The following RILPL1 variants were observed in gnomAD, a reference collection of about 807,000 sequenced individuals.
RILPL1 encodes RILP-like protein 1.
In RILPL1, 33 loss-of-function variants were observed where a neutral mutation model predicts 50.3. That is an observed-to-expected ratio of 0.66 (90% CI 0.50 to 0.88). The LOEUF is 0.88. Ranked by LOEUF, RILPL1 falls within the 40% of genes least tolerant of loss-of-function variation. The pLI is 0.00. For missense variants in RILPL1, 418 were observed against 542.5 expected, an observed-to-expected ratio of 0.77 and a Z score of 2.28; for synonymous variants, 205 against 228.6, an observed-to-expected ratio of 0.90 and a Z score of 0.93.
intron 2 of RILPL1, chr12:123,519,728 A>G (rs942590334): frequency 1.3e-5 from 2 of 152,182 alleles, no homozygotes; most frequent in Non-Finnish European, 2.9e-5. Flanking sequence ...TGCAAAATAA[A>G]AATAACCACG....
intron 4 of RILPL1, among the ~76,000 whole-genome samples, chr12:123,495,046 C>G (rs1429635681): frequency 1.3e-5 from 2 of 152,174 alleles, no homozygotes; most frequent in African/African-American, 4.8e-5. Context: ...AGCCATGTGA[C>G]TCAGGAATAA....
chr12:123,475,606 A>G, intron 6 of RILPL1: 1 of 1,159,904 alleles, frequency 8.6e-7, no homozygotes, highest in Non-Finnish European at 1.2e-6. Flanking sequence ...GCAGTAGCCG[A>G]AGCAGACATT....
intron 1 of RILPL1, among the ~76,000 whole-genome samples, chr12:123,531,581 A>G (rs1031140326): frequency 6.6e-6 from 1 of 152,110 alleles, no homozygotes; most frequent in Non-Finnish European, 1.5e-5. Context: ...CGGTTTCCTA[A>G]TATGAGCCTG....
chr12:123,485,580 G>T lies in RILPL1; in HGVS notation c.974+53C>A. ...AAGAAGGTAACTGTACAGAAACTCTGGCTAACCTCAGTAAGGAGCCAGCTC... is the reference window on the plus strand; with the variant it reads ...AAGAAGGTAACTGTACAGAAACTCTTGCTAACCTCAGTAAGGAGCCAGCTC... On this transcript the variant is annotated intron_variant, in intron 5 of 6. Transcript: ENST00000376874. This position sits in a 1 kb window ranked among gnomAD's most constrained non-coding sequence, Gnocchi z 4.0. 6.5e-7 allele frequency: 1 copy of T among 1,545,242 alleles called. No homozygotes were observed. The highest frequency in any genetic ancestry group is 8.8e-7 in the Non-Finnish European group (1 of 1,130,934).
chr12:123,495,654 G>C (rs529587245), intron 4 of RILPL1, among the ~76,000 whole-genome samples: 2 of 141,192 alleles, frequency 1.4e-5, no homozygotes, highest in Non-Finnish European at 3.0e-5. Flanking sequence ...GATTACAGGC[G>C]TGAGCCACCG....
chr12:123,472,385 G>A lies in RILPL1; in HGVS notation c.*153C>T, dbSNP rs1881246762. The stretch of plus-strand genomic sequence containing the variant: ...TAGAGTTTGGCGTCAGTTTTTCAAT[G>A]TCCATCCTCAAATCAGACAGTCTGT... On this transcript the variant is annotated 3_prime_UTR_variant, in exon 7 of 7. Coordinates refer to ENST00000376874, the MANE Select transcript of RILPL1 (RefSeq NM_178314.5). 4 of 751,554 alleles carry A rather than the reference G, an allele frequency of 5.3e-6. No individual in the cohort carries two copies. 46.6% of individuals were successfully genotyped at this position (751,554 alleles called of 1,614,324 possible). A position where few individuals can be genotyped will look rare whatever the true frequency, so the allele number is the denominator to read the frequency against.
intron 6 of RILPL1, among the ~76,000 whole-genome samples, chr12:123,481,203 A>G (rs1010421038): frequency 2.0e-5 from 3 of 152,098 alleles, no homozygotes; most frequent in Non-Finnish European, 4.4e-5. Flanking sequence ...CTAAAATTAC[A>G]AAACTTAGCC....
At position 123,484,736 on chromosome 12, in the gene RILPL1, G is replaced by A. The variant is rs146901407; in HGVS notation, c.975-464C>T. On this transcript the variant is annotated intron_variant, in intron 5 of 6. Transcript: ENST00000376874. ...GTGGTACAAACATACATAGCTCACT[G>A]CAGCCTTGACCTTGGGCTGAAATGA... 1,223 of 213,280 alleles carry A rather than the reference G, an allele frequency of 5.7e-3. 9 individuals carry two copies. The highest frequency in any genetic ancestry group is 8.7e-3 in the Non-Finnish European group (940 of 107,780). 13.2% of individuals were successfully genotyped at this position (213,280 alleles called of 1,614,324 possible).
chr12:123,478,182 C>T lies in RILPL1; in HGVS notation c.1068-5500G>A, dbSNP rs569031142. The stretch of plus-strand genomic sequence containing the variant: ...CGGCCAATTAAAAAAAATTTTTTTC[C>T]TCGAGATAGGGTCTTGCTATGTTGC... On this transcript the variant is annotated intron_variant, in intron 6 of 6. Transcript: ENST00000376874. Among the ~76,000 whole-genome samples, 4 of 151,416 alleles carry T rather than the reference C, an allele frequency of 2.6e-5. No homozygotes were observed. The East Asian group carries it at 7.8e-4, about 30-fold the overall frequency.
intron 2 of RILPL1, 74 bp from the exon 3 acceptor site, chr12:123,499,610 G>T: frequency 8.5e-7 from 1 of 1,172,264 alleles, no homozygotes; most frequent in Non-Finnish European, 1.3e-6. Flanking sequence ...CTTCTGCTGA[G>T]GATGAAACTG....
At chr12:123,509,141 CAACA>C (rs142348336) in intron 2 of RILPL1, among the ~76,000 whole-genome samples, 64,722 of 151,148 alleles carry the variant, frequency 0.43, 15,478 homozygotes, top group African/African-American at 0.63. Flanking sequence ...CGTCTCAAAA[CAACA>C]AACAAACAAA....
At position 123,533,547 on chromosome 12, in the gene RILPL1, A is replaced by T; in HGVS notation, c.-65T>A. ...GCAACTCCCAAACTTGCCGCTGTCG[A>T]GGGCCGGGCCGGCCGGGCCCAGCCT... On this transcript the variant is annotated 5_prime_UTR_variant, in exon 1 of 7. Transcript: ENST00000376874. This position sits in a 1 kb window ranked among gnomAD's most constrained non-coding sequence, Gnocchi z 6.2. 7.4e-7 allele frequency: 1 copy of T among 1,358,704 alleles called. No homozygotes were observed. Among genetic ancestry groups the T allele is most frequent in the Non-Finnish European group, 9.6e-7 (1 of 1,042,628 alleles). The allele number at this position is 1,358,704 out of a possible 1,614,324, so 84.2% of individuals were successfully genotyped here.
intron 2 of RILPL1, among the ~76,000 whole-genome samples, chr12:123,505,134 C>T (rs1031325351): frequency 6.6e-6 from 1 of 152,110 alleles, no homozygotes; most frequent in Non-Finnish European, 1.5e-5. Flanking sequence ...TCTACCTCCT[C>T]AGTTCAAGGA....
At chr12:123,499,624 T>A in intron 2 of RILPL1, 88 bp from the exon 3 acceptor site, 1 of 1,018,946 alleles carries the variant, frequency 9.8e-7, no homozygotes, top group South Asian at 1.3e-5. Flanking sequence ...GAAACTGAGG[T>A]CTTAGTGGCC....
intron 5 of RILPL1, among the ~76,000 whole-genome samples, chr12:123,484,585 C>T (rs1250202298): frequency 6.6e-6 from 1 of 152,024 alleles, no homozygotes; most frequent in Non-Finnish European, 1.5e-5. Context: ...CTGCTTCCTC[C>T]AGGAGGCCTT....
intron 6 of RILPL1, among the ~76,000 whole-genome samples, chr12:123,483,780 G>A (rs1464187912): frequency 6.6e-6 from 1 of 152,144 alleles, no homozygotes; most frequent in African/African-American, 2.4e-5. Flanking sequence ...CATAGATGGG[G>A]TGGACCCAGG....
chr12:123,511,541 CTGTGTGAGGTCTGTGTGTGTGGTA>C (rs1238016365), intron 2 of RILPL1, among the ~76,000 whole-genome samples: 12 of 94,088 alleles, frequency 1.3e-4, no homozygotes, highest in Admixed American at 6.1e-4. Flanking sequence ...TGTGTGAGGT[CTGTGTGAGGTCTGTGTGTGTGGTA>C]TGTGTGAGGT....
intron 5 of RILPL1, 49 bp from the exon 6 acceptor site, chr12:123,484,321 G>T: frequency 8.3e-7 from 1 of 1,205,482 alleles, no homozygotes. Context: ...AGTTCCTTGA[G>T]AACTGGAACA....
intron 2 of RILPL1, among the ~76,000 whole-genome samples, chr12:123,501,203 T>G (rs1467888945): frequency 6.6e-6 from 1 of 151,980 alleles, no homozygotes; most frequent in Non-Finnish European, 1.5e-5. Context: ...TTTGGGAGGC[T>G]GAGGCAGGAG....
Sources: allele counts gnomAD v4.1 joint callset (sites outside exome capture counted in the v4.1 genomes callset), GRCh38; gene constraint gnomAD v4.1.1; non-coding constraint Gnocchi (gnomAD v3.1); transcripts MANE v1.5; gene names NCBI Gene and HGNC (gene_info 2026-07-23, HGNC 2026-07-21).